RSU1: variants seen among roughly 807,000 people sequenced by gnomAD.
RSU1 encodes the protein rsu-1.
Under a neutral mutation model 31.1 loss-of-function variants are expected in RSU1, and 26 were observed. The observed-to-expected ratio is 0.84, with a 90% CI of 0.61 to 1.16. The LOEUF (loss-of-function observed/expected upper bound fraction) is 1.16. Ranked by LOEUF, RSU1 falls within the 50% of genes most tolerant of loss-of-function variation. The probability of loss-of-function intolerance (pLI) is 0.00; values close to 1 mark genes in which losing one functional copy is unlikely to be tolerated. For missense variants in RSU1, 320 were observed against 339.1 expected, an observed-to-expected ratio of 0.94 and a Z score of 0.44; for synonymous variants, 164 against 136.3, an observed-to-expected ratio of 1.20 and a Z score of -1.41.
At chr10:16,757,736 A>G (rs780638) in intron 4 of RSU1, among the ~76,000 whole-genome samples, 152,299 of 152,320 alleles carry the variant, frequency 1, 76,139 homozygotes, top group Middle Eastern at 1. Flanking sequence ...AAGCTGCTCC[A>G]GACCCTTGGG....
chr10:16,654,305 T>C (rs765696350), intron 8 of RSU1, among the ~76,000 whole-genome samples: 1 of 144,912 alleles, frequency 6.9e-6, no homozygotes, highest in Non-Finnish European at 1.5e-5. Flanking sequence ...TCATATGGTG[T>C]GACCCTGAAA....
At chr10:16,634,297 C>T (rs1302598576) in intron 8 of RSU1, among the ~76,000 whole-genome samples, 1 of 152,192 alleles carries the variant, frequency 6.6e-6, no homozygotes, top group Admixed American at 6.5e-5. Context: ...AACACTTGCC[C>T]AGCAGTACTG....
chr10:16,629,095 G>C (rs1244488361), intron 8 of RSU1, among the ~76,000 whole-genome samples: 1 of 152,086 alleles, frequency 6.6e-6, no homozygotes, highest in Non-Finnish European at 1.5e-5. Flanking sequence ...TATCAGCTTG[G>C]AGTCTGCCTG....
chr10:16,670,686 A>G (rs1352528996), intron 8 of RSU1, among the ~76,000 whole-genome samples: 1 of 152,160 alleles, frequency 6.6e-6, no homozygotes, highest in Admixed American at 6.5e-5. Context: ...GACCAAACTC[A>G]TCTTTCATGC....
chr10:16,653,391 TTG>T (rs915959192), intron 8 of RSU1, among the ~76,000 whole-genome samples: 13 of 152,194 alleles, frequency 8.5e-5, no homozygotes, highest in Non-Finnish European at 1.8e-4. Flanking sequence ...CAATACTCTG[TTG>T]TGTGTGTGCA....
intron 8 of RSU1, among the ~76,000 whole-genome samples, chr10:16,687,783 G>C (rs141571097): frequency 5.7e-4 from 86 of 152,188 alleles, no homozygotes; most frequent in African/African-American, 1.8e-3. Flanking sequence ...TCAGTGGTGT[G>C]ATCTTGGCTC....
At chr10:16,734,149 T>C (rs749747677) in intron 7 of RSU1, among the ~76,000 whole-genome samples, 1 of 152,238 alleles carries the variant, frequency 6.6e-6, no homozygotes, top group Non-Finnish European at 1.5e-5. Context: ...TGAATCATGA[T>C]TTGTCTCACA....
At chr10:16,795,585 T>C (rs77588877) in intron 2 of RSU1, among the ~76,000 whole-genome samples, 1 of 152,076 alleles carries the variant, frequency 6.6e-6, no homozygotes, top group South Asian at 2.1e-4. Flanking sequence ...TCAGAACTAG[T>C]AAGCAGAGAG....
intron 7 of RSU1, among the ~76,000 whole-genome samples, chr10:16,709,678 G>A (rs565336681): frequency 1.7e-4 from 26 of 152,218 alleles, no homozygotes; most frequent in African/African-American, 5.3e-4. Context: ...ACTTTTTAAC[G>A]ATTGCCATTC....
chr10:16,783,561 A>G (rs973992195), intron 2 of RSU1, among the ~76,000 whole-genome samples: 2 of 151,788 alleles, frequency 1.3e-5, no homozygotes, highest in East Asian at 3.9e-4. Flanking sequence ...TCACCATGTT[A>G]GCCAGGATGG....
intron 2 of RSU1, among the ~76,000 whole-genome samples, chr10:16,791,220 T>G (rs1003043086): frequency 2.6e-5 from 4 of 151,990 alleles, no homozygotes; most frequent in African/African-American, 9.7e-5. Context: ...AGAGACAGGG[T>G]TTCACCATGT....
At chr10:16,711,693 A>T (rs749615052) in intron 7 of RSU1, among the ~76,000 whole-genome samples, 3 of 152,206 alleles carry the variant, frequency 2.0e-5, no homozygotes, top group Non-Finnish European at 4.4e-5. Context: ...ATTTCAAAGT[A>T]TCCAAAGTTG....
chr10:16,814,316 C>T (rs1020020749), intron 2 of RSU1, among the ~76,000 whole-genome samples: 5 of 152,014 alleles, frequency 3.3e-5, no homozygotes, highest in South Asian at 2.1e-4. Context: ...GGCGTGGTGG[C>T]GTGTACCTAT....
rs186950680 is a variant in RSU1 at position 16,592,133 on chromosome 10, T to C, written c.*1261A>G. The C allele has an allele frequency of 6.7e-6, 1 of 149,232 alleles. No homozygotes were observed. The highest frequency in any genetic ancestry group is 2.1e-4 in the South Asian group (1 of 4,762). 9.2% of individuals were successfully genotyped at this position (149,232 alleles called of 1,614,324 possible). A position where few individuals can be genotyped will look rare whatever the true frequency, so the allele number is the denominator to read the frequency against. ...GAGCTCAACTGGGAAGCCGAAAGGA[T>C]ACAGCAGAGATTTTATATGCCCCAG... On this transcript the variant is annotated 3_prime_UTR_variant, in exon 9 of 9. Transcript: ENST00000345264.
intron 8 of RSU1, among the ~76,000 whole-genome samples, chr10:16,634,046 C>T (rs1052796264): frequency 6.6e-6 from 1 of 152,224 alleles, no homozygotes; most frequent in Non-Finnish European, 1.5e-5. Context: ...CTCTATTTAT[C>T]AGACAGCTTC....
chr10:16,602,279 ACAT>A (rs1208327765), intron 8 of RSU1, among the ~76,000 whole-genome samples: 2 of 152,186 alleles, frequency 1.3e-5, no homozygotes, highest in Non-Finnish European at 2.9e-5. Context: ...TTACCTCAAA[ACAT>A]CAGCAGAGTG....
chr10:16,723,907 G>A (rs1415372875), intron 7 of RSU1, among the ~76,000 whole-genome samples: 2 of 152,128 alleles, frequency 1.3e-5, no homozygotes, highest in African/African-American at 2.4e-5. Flanking sequence ...GTTGTTAAAT[G>A]CACTTATTCC....
chr10:16,712,570 G>C (rs1836043219), intron 7 of RSU1, among the ~76,000 whole-genome samples: 1 of 152,116 alleles, frequency 6.6e-6, no homozygotes. Flanking sequence ...CAACCTGATA[G>C]CAATTTAAAT....
intron 2 of RSU1, among the ~76,000 whole-genome samples, chr10:16,784,659 A>T (rs186017751): frequency 6.6e-6 from 1 of 152,352 alleles, no homozygotes; most frequent in Non-Finnish European, 1.5e-5. Context: ...CAATCATGGC[A>T]GAAGGCAAAG....
Sources: gnomAD v4.1 joint callset for allele counts (sites outside exome capture counted in the v4.1 genomes callset) on GRCh38, gnomAD v4.1.1 for gene constraint, MANE v1.5 for transcripts, NCBI Gene and HGNC (gene_info 2026-07-23, HGNC 2026-07-21) for gene names.